Variants in APOLD1 observed in about 807,000 individuals in gnomAD.
APOLD1 encodes the protein apolipoprotein L domain containing 1.
APOLD1 carries 22 observed loss-of-function variants against 15.3 expected under a neutral mutation model. The observed-to-expected ratio is 1.44, with a 90% CI of 1.03 to 2.05. The LOEUF is 2.05. Among genes scored for constraint, APOLD1 ranks in the 30% most tolerant of loss-of-function variants. The probability of loss-of-function intolerance (pLI) is 0.00; values close to 1 mark genes in which losing one functional copy is unlikely to be tolerated. For missense variants in APOLD1, 394 were observed against 353.5 expected, an observed-to-expected ratio of 1.11 and a Z score of -0.92; for synonymous variants, 190 against 167.4, an observed-to-expected ratio of 1.13 and a Z score of -1.04.
chr12:12,753,200 G>C (rs1946825727), intron 1 of APOLD1, among the ~76,000 whole-genome samples: 1 of 152,086 alleles, frequency 6.6e-6, no homozygotes, highest in Non-Finnish European at 1.5e-5. Context: ...AGAGAGACAA[G>C]AAACTCAATA....
In APOLD1 at chr12:12,761,830, T is replaced by TAGAGAGAGAGAGAGAGAGAG. The variant is rs6144616; in HGVS notation, c.97-25066_97-25047dup. On this transcript the variant is annotated intron_variant, in intron 1 of 1. Transcript: ENST00000326765. Reference sequence around the variant, plus strand: ...GAACATATACATATATGTATATGTATAGAGAGAGAGAGAGAGAGAGAGAGA... The same window carrying TAGAGAGAGAGAGAGAGAGAG: ...GAACATATACATATATGTATATGTATAGAGAGAGAGAGAGAGAGAGAGAGAGAGAGAGAGAGAGAGAGAGA... Among the ~76,000 whole-genome samples the TAGAGAGAGAGAGAGAGAGAG allele has an allele frequency of 5.1e-3, 580 of 114,584 alleles. 16 individuals carry two copies. The highest frequency in any genetic ancestry group is 0.017 in the East Asian group (53 of 3,182). 75.2% of individuals were successfully genotyped at this position (114,584 alleles called of 152,430 possible).
At chr12:12,786,431 C>CAA (rs1384850600) in intron 1 of APOLD1, among the ~76,000 whole-genome samples, 1 of 151,922 alleles carries the variant, frequency 6.6e-6, no homozygotes, top group Non-Finnish European at 1.5e-5. Flanking sequence ...AAGTCTTTTT[C>CAA]ATTCATTAGA....
intron 1 of APOLD1, among the ~76,000 whole-genome samples, chr12:12,768,600 G>A (rs1036586605): frequency 2.6e-5 from 4 of 151,428 alleles, no homozygotes; most frequent in Admixed American, 6.6e-5. Context: ...GGCAGTAAGC[G>A]CTAATCACGC....
intron 1 of APOLD1, among the ~76,000 whole-genome samples, chr12:12,778,002 C>A (rs886121611): frequency 6.7e-6 from 1 of 149,550 alleles, no homozygotes; most frequent in Non-Finnish European, 1.5e-5. Context: ...CGGCTCACTG[C>A]AACCTCTGCC....
intron 1 of APOLD1, among the ~76,000 whole-genome samples, chr12:12,739,443 G>T (rs1221286231): frequency 1.3e-5 from 2 of 152,274 alleles, no homozygotes; most frequent in East Asian, 3.9e-4. Context: ...TTCAAGGAAA[G>T]GAATGTTTGT....
At chr12:12,771,002 G>T (rs1045941708) in intron 1 of APOLD1, among the ~76,000 whole-genome samples, 1 of 152,046 alleles carries the variant, frequency 6.6e-6, no homozygotes. Flanking sequence ...AATTCTGTAC[G>T]CTGTGAAATC....
At chr12:12,728,502 CA>C (rs1305347877) in intron 1 of APOLD1, among the ~76,000 whole-genome samples, 3 of 150,326 alleles carry the variant, frequency 2.0e-5, no homozygotes, top group South Asian at 2.1e-4. Flanking sequence ...CCCGTTTCTA[CA>C]AAAAACAAAA....
At chr12:12,767,798 T>C (rs1946953078) in intron 1 of APOLD1, among the ~76,000 whole-genome samples, 1 of 152,110 alleles carries the variant, frequency 6.6e-6, no homozygotes, top group Non-Finnish European at 1.5e-5. Context: ...CCTATGCCTT[T>C]TTTTTTTGAC....
rs1947166796 is a variant in APOLD1, at chr12:12,789,725, A to G, written c.*2073A>G. ...CTGTAATGTTGAAAAATAAGTTGAA[A>G]AGTCTTTGGGACCATACATGCAAAA... On this transcript the variant is annotated 3_prime_UTR_variant, in exon 2 of 2. Transcript: ENST00000356591. 6.6e-6 allele frequency: 1 copy of G among 152,226 alleles called. No homozygotes were observed. The highest frequency in any genetic ancestry group is 2.1e-4 in the South Asian group (1 of 4,834). The allele number at this position is 152,226 out of a possible 1,614,324, so 9.4% of individuals were successfully genotyped here.
chr12:12,748,993 G>A (rs148062479), intron 1 of APOLD1, among the ~76,000 whole-genome samples: 4 of 152,314 alleles, frequency 2.6e-5, no homozygotes, highest in Non-Finnish European at 5.9e-5. Flanking sequence ...TGTGGTAAGT[G>A]TGAGGTGCAC....
chr12:12,755,981 TTC>T (rs1267257743), intron 1 of APOLD1, among the ~76,000 whole-genome samples: 1 of 152,264 alleles, frequency 6.6e-6, no homozygotes. Context: ...AACTAAACCT[TTC>T]TCTCTCTATA....
chr12:12,754,876 CA>C (rs56984147), intron 1 of APOLD1, among the ~76,000 whole-genome samples: 31,402 of 98,752 alleles, frequency 0.32, 3,499 homozygotes, highest in Middle Eastern at 0.42. Context: ...CTTTGTCTCT[CA>C]AAAAAAAAAA....
At chr12:12,783,630 G>GTTTTTTTTTTTT (rs60822688), upstream of APOLD1, among the ~76,000 whole-genome samples, 4 of 123,984 alleles carry the variant, frequency 3.2e-5, no homozygotes, top group Non-Finnish European at 3.4e-5. Flanking sequence ...GTTTTTTTTT[G>GTTTTTTTTTTTT]TTTTTTTTTT....
intron 1 of APOLD1, among the ~76,000 whole-genome samples, chr12:12,734,456 A>G (rs1946667519): frequency 6.6e-6 from 1 of 152,226 alleles, no homozygotes; most frequent in African/African-American, 2.4e-5. Context: ...TGGCTATGGG[A>G]GACCACTGTA....
intron 1 of APOLD1, among the ~76,000 whole-genome samples, chr12:12,733,297 C>A (rs944036554): frequency 3.3e-5 from 5 of 151,956 alleles, no homozygotes; most frequent in African/African-American, 4.8e-5. Context: ...TGCACTCCAG[C>A]CTGGGTGGCA....
chr12:12,779,251 C>T (rs1947061359), intron 1 of APOLD1, among the ~76,000 whole-genome samples: 1 of 152,054 alleles, frequency 6.6e-6, no homozygotes, highest in African/African-American at 2.4e-5. Flanking sequence ...AGCACACACC[C>T]CGGCACTTCC....
At chr12:12,778,835 C>T (rs1475425774) in intron 1 of APOLD1, among the ~76,000 whole-genome samples, 1 of 152,238 alleles carries the variant, frequency 6.6e-6, no homozygotes, top group Non-Finnish European at 1.5e-5. Context: ...AACCTTCTAA[C>T]TGTCTCCTGG....
chr12:12,743,675 G>A (rs1318769910), intron 1 of APOLD1, among the ~76,000 whole-genome samples: 2 of 152,204 alleles, frequency 1.3e-5, no homozygotes, highest in Non-Finnish European at 2.9e-5. Context: ...GGGGGATTAA[G>A]GTTGCAAATG....
At chr12:12,780,974 A>C (rs1398863926), upstream of APOLD1, among the ~76,000 whole-genome samples, 2 of 151,906 alleles carry the variant, frequency 1.3e-5, no homozygotes, top group Non-Finnish European at 1.5e-5. Flanking sequence ...AGTCATCATC[A>C]CATAACTTTA....
Sources: gnomAD v4.1 joint callset for allele counts (sites outside exome capture counted in the v4.1 genomes callset) on GRCh38, gnomAD v4.1.1 for gene constraint, MANE v1.5 for transcripts, NCBI Gene and HGNC (gene_info 2026-07-23, HGNC 2026-07-21) for gene names.